The following ASTN2 variants were observed in gnomAD, a reference collection of about 807,000 sequenced individuals.
ASTN2 encodes astrotactin-2.
Under a neutral mutation model 139.8 loss-of-function variants are expected in ASTN2, and 54 were observed. The ratio of observed to expected loss-of-function variants is 0.39; its 90% CI spans 0.31 to 0.48. ASTN2 has a LOEUF of 0.48. Among genes scored for constraint, ASTN2 ranks in the 20% least tolerant of loss-of-function variants. ASTN2 has a pLI of 0.95. For missense variants in ASTN2, 1,565 were observed against 1,725.1 expected (o/e 0.91, Z 1.64); for synonymous variants, 756 against 719.5 (o/e 1.05, Z -0.81).
intron 19 of ASTN2, among the ~76,000 whole-genome samples, chr9:116,503,279 G>T (rs1849966606): frequency 6.6e-6 from 1 of 151,942 alleles, no homozygotes; most frequent in Admixed American, 6.6e-5. Flanking sequence ...CTTTACTTCT[G>T]GTCTCACCGC....
chr9:117,376,927 T>C (rs1247496941), intron 1 of ASTN2, among the ~76,000 whole-genome samples: 4 of 151,982 alleles, frequency 2.6e-5, no homozygotes, highest in African/African-American at 9.7e-5. Context: ...GCTGTGCAAC[T>C]AATCTTTAAA....
intron 1 of ASTN2, among the ~76,000 whole-genome samples, chr9:117,360,743 G>T (rs770913039): frequency 1.3e-5 from 2 of 151,230 alleles, no homozygotes; most frequent in African/African-American, 2.4e-5. Context: ...GGCACTCTGT[G>T]TGACTATGGA....
intron 10 of ASTN2, among the ~76,000 whole-genome samples, chr9:116,971,680 T>C (rs1015624234): frequency 3.9e-5 from 6 of 152,196 alleles, no homozygotes; most frequent in African/African-American, 1.4e-4. Context: ...GTCTTTAGCC[T>C]TTCAGCGAAA....
intron 4 of ASTN2, among the ~76,000 whole-genome samples, chr9:117,127,453 C>T (rs562159438): frequency 2.6e-5 from 4 of 152,226 alleles, no homozygotes; most frequent in African/African-American, 4.8e-5. Context: ...TTTCTCTCTA[C>T]GGAAAATACC....
chr9:116,461,437 C>T (rs1848484222), intron 20 of ASTN2, among the ~76,000 whole-genome samples: 1 of 151,988 alleles, frequency 6.6e-6, no homozygotes, highest in Non-Finnish European at 1.5e-5. Flanking sequence ...TATATGTACA[C>T]ATATATAGGT....
intron 19 of ASTN2, among the ~76,000 whole-genome samples, chr9:116,517,828 G>A (rs2119218310): frequency 6.6e-6 from 1 of 152,256 alleles, no homozygotes; most frequent in Middle Eastern, 3.4e-3. Flanking sequence ...ACAACTTCTG[G>A]AAATCAAGGA....
intron 16 of ASTN2, among the ~76,000 whole-genome samples, chr9:116,701,979 G>T (rs751317745): frequency 4.0e-5 from 6 of 150,750 alleles, no homozygotes; most frequent in Non-Finnish European, 8.8e-5. Context: ...TCAAAGAGCA[G>T]CTGCTCTGGT....
At position 116,470,992 on chromosome 9, in the gene ASTN2, A is replaced by T. The variant is rs190282455; in HGVS notation, c.3497+16367T>A. Among the ~76,000 whole-genome samples the T allele has an allele frequency of 5.3e-4, 81 of 152,336 alleles. 1 individual carries two copies. Among genetic ancestry groups the T allele is most frequent in the Non-Finnish European group, 8.2e-4 (56 of 68,032 alleles). On this transcript the variant is annotated intron_variant, in intron 20 of 22. Transcript: ENST00000313400. ...AAATTAACAAGACTAAAGCAAAAACAAACAAATGAAAAATCTCTGGGGTTT... is the reference window on the plus strand; with the variant it reads ...AAATTAACAAGACTAAAGCAAAAACTAACAAATGAAAAATCTCTGGGGTTT...
chr9:116,777,919 T>C (rs1830124334), intron 13 of ASTN2, among the ~76,000 whole-genome samples: 1 of 152,144 alleles, frequency 6.6e-6, no homozygotes, highest in African/African-American at 2.4e-5. Context: ...CTCGGCTCAC[T>C]GCAACCTCCA....
intron 20 of ASTN2, among the ~76,000 whole-genome samples, chr9:116,482,779 G>C (rs568576639): frequency 1.3e-5 from 2 of 152,298 alleles, no homozygotes; most frequent in African/African-American, 4.8e-5. Context: ...TCCCACCATG[G>C]ATGTTGGCAC....
chr9:117,119,990 A>ATG (rs752111718), intron 4 of ASTN2, among the ~76,000 whole-genome samples: 928 of 73,178 alleles, frequency 0.013, 35 homozygotes, highest in African/African-American at 0.038. Context: ...ATATATTTGT[A>ATG]TGTGTGTGTG....
chr9:116,887,844 T>A (rs760832412), intron 10 of ASTN2, among the ~76,000 whole-genome samples: 2 of 151,656 alleles, frequency 1.3e-5, no homozygotes, highest in Non-Finnish European at 2.9e-5. Context: ...AGTTTTATAT[T>A]TTTTTTAGAG....
At chr9:117,198,304 T>C (rs1365282258) in intron 3 of ASTN2, among the ~76,000 whole-genome samples, 1 of 152,172 alleles carries the variant, frequency 6.6e-6, no homozygotes, top group Admixed American at 6.5e-5. Flanking sequence ...CCTATGTAAG[T>C]GTGCTGAGGG....
intron 6 of ASTN2, among the ~76,000 whole-genome samples, chr9:117,029,020 T>C (rs1838176106): frequency 6.6e-6 from 1 of 152,154 alleles, no homozygotes; most frequent in African/African-American, 2.4e-5. Flanking sequence ...AGGATGATCT[T>C]AGTCATCAAA....
intron 11 of ASTN2, among the ~76,000 whole-genome samples, chr9:116,847,603 G>C (rs1420466923): frequency 2.0e-5 from 3 of 152,164 alleles, no homozygotes; most frequent in African/African-American, 7.2e-5. Context: ...GCCAGGCACT[G>C]TTTCGATGTG....
chr9:116,606,233 G>T (rs1352994934), intron 19 of ASTN2, among the ~76,000 whole-genome samples: 1 of 152,154 alleles, frequency 6.6e-6, no homozygotes, highest in Non-Finnish European at 1.5e-5. Context: ...CTTATGCTTG[G>T]CTTTCCTAAC....
At chr9:116,454,503 A>G (rs1848268368) in intron 20 of ASTN2, among the ~76,000 whole-genome samples, 1 of 152,132 alleles carries the variant, frequency 6.6e-6, no homozygotes, top group South Asian at 2.1e-4. Context: ...TTCCTCAAGG[A>G]TCTAGAACTA....
chr9:117,214,459 G>T lies in ASTN2; in HGVS notation c.914C>A (p.Ala305Asp), dbSNP rs746905119. ...CTCGTCCTCGCGGGAGACATGGTTG[G>T]CCCGCCTAGGTGGCTCCTCATCCTC... ...CEEDEEPPRR[A>D]NHVSREDEFG... Residue 305 changes from alanine (A) to aspartate (D), a missense_variant, in exon 3 of 23, where the codon GCC (alanine) becomes GAC (aspartate). Ala to Asp is a moderately radical substitution (Grantham distance 126). Around this residue, in one of 4 missense-constraint regions of ASTN2, gnomAD observed 596 missense variants for 576.8 expected, o/e 1.03. Transcript: ENST00000313400. 1 of 1,614,166 alleles carries T rather than the reference G, an allele frequency of 6.2e-7. No homozygotes were observed. The highest frequency in any genetic ancestry group is 8.5e-7 in the Non-Finnish European group (1 of 1,180,014).
chr9:116,619,562 C>T (rs1301410067), intron 18 of ASTN2, among the ~76,000 whole-genome samples: 1 of 151,958 alleles, frequency 6.6e-6, no homozygotes, highest in Non-Finnish European at 1.5e-5. Context: ...CTCACTCTGT[C>T]ACCAGGGCTG....
Sources: allele counts gnomAD v4.1 joint callset (sites outside exome capture counted in the v4.1 genomes callset), GRCh38; gene constraint gnomAD v4.1.1; regional missense constraint gnomAD v4.1.1; transcripts MANE v1.5; gene names NCBI Gene and HGNC (gene_info 2026-07-23, HGNC 2026-07-21).